Variants in BRINP1 observed in about 807,000 individuals in gnomAD.
BRINP1 encodes the protein BMP/retinoic acid-inducible neural-specific protein 1.
BRINP1 carries 17 observed loss-of-function variants against 72.9 expected under a neutral mutation model. The ratio of observed to expected loss-of-function variants is 0.23; its 90% CI spans 0.16 to 0.35. The LOEUF (loss-of-function observed/expected upper bound fraction) is 0.35, where lower values mean the gene tolerates loss of function less well. Ranked by LOEUF, BRINP1 falls within the 10% of genes least tolerant of loss-of-function variation. The pLI, the probability that BRINP1 is intolerant of heterozygous loss-of-function variation, is 1.00. For missense variants in BRINP1, 850 were observed against 1,001.6 expected, an observed-to-expected ratio of 0.85 and a Z score of 2.04; for synonymous variants, 418 against 378.5, an observed-to-expected ratio of 1.10 and a Z score of -1.21.
chr9:119,198,351 T>C (rs541827970), intron 7 of BRINP1, among the ~76,000 whole-genome samples: 6 of 152,336 alleles, frequency 3.9e-5, no homozygotes, highest in South Asian at 2.1e-4. Context: ...TGTTCTATTA[T>C]TGGCTTTCCA....
intron 2 of BRINP1, 105 bp from the exon 3 acceptor site, chr9:119,249,255 C>A (rs971668200): frequency 2.1e-5 from 22 of 1,063,560 alleles, no homozygotes; most frequent in Non-Finnish European, 2.7e-5. Context: ...TGGGAAAGTG[C>A]CTACAATTTT....
chr9:119,324,778 C>G (rs1438718005), intron 1 of BRINP1, among the ~76,000 whole-genome samples: 2 of 152,136 alleles, frequency 1.3e-5, no homozygotes, highest in African/African-American at 4.8e-5. Flanking sequence ...CTGATTGCTA[C>G]ATGTGTATCT....
intron 1 of BRINP1, among the ~76,000 whole-genome samples, chr9:119,360,358 TG>T (rs1831616844): frequency 1.3e-5 from 2 of 152,360 alleles, no homozygotes; most frequent in South Asian, 4.1e-4. Flanking sequence ...CCAGGCTTCC[TG>T]TAGGTCCTTC....
At chr9:119,287,954 A>G (rs1269928015) in intron 2 of BRINP1, among the ~76,000 whole-genome samples, 3 of 152,204 alleles carry the variant, frequency 2.0e-5, no homozygotes, top group Admixed American at 2.0e-4. Flanking sequence ...ACGTTTATCT[A>G]TGTAACAAAC....
intron 1 of BRINP1, among the ~76,000 whole-genome samples, chr9:119,339,775 A>C (rs2119021875): frequency 6.6e-6 from 1 of 152,328 alleles, no homozygotes; most frequent in South Asian, 2.1e-4. Flanking sequence ...AAAGGATTCA[A>C]ATCTAAGGCT....
At chr9:119,282,838 G>A (rs1830726313) in intron 2 of BRINP1, 1 of 985,050 alleles carries the variant, frequency 1.0e-6, no homozygotes, top group African/African-American at 1.7e-5. Context: ...TGGTCACAGT[G>A]GAGAGACAGC....
At chr9:119,267,692 T>G (rs1830561808) in intron 2 of BRINP1, among the ~76,000 whole-genome samples, 1 of 151,712 alleles carries the variant, frequency 6.6e-6, no homozygotes, top group Non-Finnish European at 1.5e-5. Flanking sequence ...ATTAAATAGC[T>G]GGGGACATAG....
intron 5 of BRINP1, among the ~76,000 whole-genome samples, chr9:119,225,104 T>C (rs7853632): frequency 6.6e-6 from 1 of 152,018 alleles, no homozygotes; most frequent in Non-Finnish European, 1.5e-5. Flanking sequence ...GCAGCACTAT[T>C]CATAGTAGTC....
At chr9:119,305,084 C>A (rs1830981402) in intron 2 of BRINP1, among the ~76,000 whole-genome samples, 1 of 152,164 alleles carries the variant, frequency 6.6e-6, no homozygotes, top group Admixed American at 6.5e-5. Flanking sequence ...CATGTTAGTG[C>A]ATCAGCATTT....
intron 2 of BRINP1, among the ~76,000 whole-genome samples, chr9:119,303,291 G>GACACACACACACAC (rs35386714): frequency 3.4e-5 from 4 of 117,388 alleles, no homozygotes; most frequent in African/African-American, 1.3e-4. Context: ...CACACACACA[G>GACACACACACACAC]ACACACACAC....
chr9:119,170,300 C>G (rs927534822), intron 7 of BRINP1, among the ~76,000 whole-genome samples: 1 of 151,830 alleles, frequency 6.6e-6, no homozygotes, highest in African/African-American at 2.4e-5. Context: ...GCTGATGGAG[C>G]TGAAAACCAA....
chr9:119,216,713 C>G (rs1829981501), intron 5 of BRINP1, among the ~76,000 whole-genome samples: 1 of 152,184 alleles, frequency 6.6e-6, no homozygotes, highest in Non-Finnish European at 1.5e-5. Flanking sequence ...TTCTAGCTTG[C>G]TCATCATTTT....
At chr9:119,344,833 C>T (rs765458654) in intron 1 of BRINP1, among the ~76,000 whole-genome samples, 4 of 152,144 alleles carry the variant, frequency 2.6e-5, no homozygotes, top group African/African-American at 9.7e-5. Flanking sequence ...TCTTTTTTAA[C>T]GTAGCCCCTG....
At chr9:119,208,658 A>C (rs549224495) in intron 7 of BRINP1, 61 bp downstream of exon 7, 2 of 1,514,824 alleles carry the variant, frequency 1.3e-6, no homozygotes, top group South Asian at 1.1e-5. Context: ...ACTCTGCAGC[A>C]AGATAATGTA....
intron 3 of BRINP1, among the ~76,000 whole-genome samples, chr9:119,244,562 G>C (rs937476518): frequency 1.3e-5 from 2 of 152,164 alleles, no homozygotes; most frequent in Non-Finnish European, 2.9e-5. Flanking sequence ...TATGCTAAGA[G>C]TTTGAGCCAT....
At chr9:119,309,869 C>G (rs1831042937) in intron 2 of BRINP1, among the ~76,000 whole-genome samples, 1 of 152,042 alleles carries the variant, frequency 6.6e-6, no homozygotes, top group East Asian at 1.9e-4. Context: ...TTGGTCATCT[C>G]TATGTTAGCG....
At chr9:119,222,387 G>A (rs1830049300) in intron 5 of BRINP1, among the ~76,000 whole-genome samples, 1 of 152,052 alleles carries the variant, frequency 6.6e-6, no homozygotes, top group African/African-American at 2.4e-5. Context: ...GCAGATAAAA[G>A]AGTTGAGCAG....
intron 2 of BRINP1, among the ~76,000 whole-genome samples, chr9:119,267,127 C>T (rs1437201219): frequency 1.1e-4 from 16 of 152,180 alleles, no homozygotes. Flanking sequence ...TAATTGTACA[C>T]ATTTATGGCA....
intron 7 of BRINP1, among the ~76,000 whole-genome samples, chr9:119,171,029 G>T (rs1829402961): frequency 6.8e-6 from 1 of 146,440 alleles, no homozygotes; most frequent in African/African-American, 2.7e-5. Context: ...GCAAAATCAT[G>T]CCAAAATGTA....
Sources: allele counts gnomAD v4.1 joint callset (sites outside exome capture counted in the v4.1 genomes callset), GRCh38; gene constraint gnomAD v4.1.1; transcripts MANE v1.5; gene names NCBI Gene and HGNC (gene_info 2026-07-23, HGNC 2026-07-21).